The following IFFO2 variants were observed in gnomAD, a reference collection of about 807,000 sequenced individuals.
IFFO2 encodes the protein intermediate filament family orphan 2.
In IFFO2, 19 loss-of-function variants were observed where a neutral mutation model predicts 53.5. The observed-to-expected ratio is 0.36, with a 90% CI of 0.25 to 0.52. The LOEUF (loss-of-function observed/expected upper bound fraction) is 0.52, where lower values mean the gene tolerates loss of function less well. Ranked by LOEUF, IFFO2 falls within the 20% of genes least tolerant of loss-of-function variation. IFFO2 has a pLI of 0.94. For synonymous variants in IFFO2, 303 were observed against 313.6 expected (o/e 0.97, Z 0.36); for missense variants, 570 against 727.4 (o/e 0.78, Z 2.49).
chr1:18,922,180 C>T (rs539849502), intron 1 of IFFO2, among the ~76,000 whole-genome samples: 63 of 152,262 alleles, frequency 4.1e-4, no homozygotes, highest in Middle Eastern at 3.4e-3. Context: ...AATCCCCTTG[C>T]GGAGCTCCTC....
chr1:18,954,085 G>A (rs1418345501), intron 1 of IFFO2, among the ~76,000 whole-genome samples: 1 of 152,224 alleles, frequency 6.6e-6, no homozygotes, highest in Non-Finnish European at 1.5e-5. Flanking sequence ...GCACCAGGCG[G>A]GCCATTCTCA....
At position 18,955,969 on chromosome 1, in the gene IFFO2, C is replaced by G. The variant is rs753573184; in HGVS notation, c.364G>C (p.Gly122Arg). Residue 122 changes from glycine to arginine, a missense_variant, in exon 1 of 9, where the codon GGG (glycine) becomes CGG (arginine). Gly to Arg is a moderately radical substitution (Grantham distance 125). Coordinates refer to ENST00000455833, the MANE Select transcript of IFFO2 (RefSeq NM_001136265.2). ...ELLRPPAPGG[G>R]HGLSSGAAAG... ...GCCGCGCCACTGCTGAGGCCGTGCC[C>G]GCCGCCGGGCGCCGGGGGCCGCAGC... 284 of 1,318,528 alleles carry G rather than the reference C, an allele frequency of 2.2e-4. No homozygotes were observed. Among genetic ancestry groups the G allele is most frequent in the Non-Finnish European group, 2.7e-4 (279 of 1,027,628 alleles). 81.7% of individuals were successfully genotyped at this position (1,318,528 alleles called of 1,614,324 possible).
intron 1 of IFFO2, among the ~76,000 whole-genome samples, chr1:18,941,040 C>G (rs1355896994): frequency 1.3e-5 from 2 of 152,196 alleles, no homozygotes; most frequent in Non-Finnish European, 2.9e-5. Context: ...AGGTCACATG[C>G]CCACTCTGCC....
intron 5 of IFFO2, among the ~76,000 whole-genome samples, chr1:18,912,561 T>C (rs983118449): frequency 1.3e-5 from 2 of 152,120 alleles, no homozygotes; most frequent in Non-Finnish European, 1.5e-5. Flanking sequence ...GTAGCAGAAA[T>C]AGGCTAGAAT....
At chr1:18,948,874 G>A (rs565786244) in intron 1 of IFFO2, among the ~76,000 whole-genome samples, 5 of 152,290 alleles carry the variant, frequency 3.3e-5, no homozygotes, top group African/African-American at 1.2e-4. Context: ...CTGTTTACAC[G>A]CCCTGTGCTG....
intron 1 of IFFO2, among the ~76,000 whole-genome samples, chr1:18,931,527 C>T (rs1358295133): frequency 1.3e-5 from 2 of 152,172 alleles, no homozygotes; most frequent in African/African-American, 4.8e-5. Flanking sequence ...GTCCTGAACC[C>T]ACTCCTTCAG....
chr1:18,949,504 G>C (rs1361382235), intron 1 of IFFO2, among the ~76,000 whole-genome samples: 1 of 152,248 alleles, frequency 6.6e-6, no homozygotes, highest in Non-Finnish European at 1.5e-5. Context: ...TCAGCCATCC[G>C]CGACATAGGA....
rs1267201128 is a variant in IFFO2, at chr1:18,930,734, T to C, written c.666-9613A>G. On this transcript the variant is annotated intron_variant, in intron 1 of 8. Transcript: ENST00000455833. ...CAGCTGCTGGCTCTTTTGGGCAACA[T>C]GGGGCCCAGGGAACCCCCGGGTCAC... 2.6e-5 allele frequency among the ~76,000 whole-genome samples: 4 copies of C among 152,194 alleles called. No individual in the cohort carries two copies. In the East Asian group the frequency reaches 5.8e-4, roughly 22 times the overall value.
Position 18,956,334 on chromosome 1 carries a change from C to T in IFFO2, c.-2G>A. 2 of 320,728 alleles carry T rather than the reference C, an allele frequency of 6.2e-6. No individual in the cohort carries two copies. Among genetic ancestry groups the T allele is most frequent in the Non-Finnish European group, 9.8e-6 (2 of 204,908 alleles). The allele number at this position is 320,728 out of a possible 1,614,324, so 19.9% of individuals were successfully genotyped here. A position where few individuals can be genotyped will look rare whatever the true frequency, so the allele number is the denominator to read the frequency against. The stretch of plus-strand genomic sequence containing the variant: ...CCCGAACAGCAGCGAGTTCACCATG[C>T]GCCGGCTGCGCGGCTCAGGGCCCCG... On this transcript the variant is annotated 5_prime_UTR_variant, in exon 1 of 9. Coordinates refer to ENST00000455833, the MANE Select transcript of IFFO2 (RefSeq NM_001136265.2). This position sits in a 1 kb window ranked among gnomAD's most constrained non-coding sequence, Gnocchi z 6.4.
chr1:18,918,598 G>T lies in IFFO2; in HGVS notation c.823-96C>A. On this transcript the variant is annotated intron_variant, in intron 3 of 8. Coordinates refer to ENST00000455833, the MANE Select transcript of IFFO2 (RefSeq NM_001136265.2). This position sits in a 1 kb window ranked among gnomAD's most constrained non-coding sequence, Gnocchi z 5.2. ...GGGAGACCCCTAGGTGTCAGCAGGG[G>T]TGGTGCGGGGAGGCCTCCAGAGTCC... The T allele has an allele frequency of 2.2e-6, 3 of 1,349,764 alleles. No homozygotes were observed. The highest frequency in any genetic ancestry group is 2.7e-5 in the South Asian group (2 of 75,106). The allele number at this position is 1,349,764 out of a possible 1,614,324, so 83.6% of individuals were successfully genotyped here.
intron 1 of IFFO2, among the ~76,000 whole-genome samples, chr1:18,937,178 G>T (rs76161255): frequency 1.5e-3 from 228 of 152,268 alleles, no homozygotes; most frequent in African/African-American, 5.0e-3. Context: ...GGAGGGAGGA[G>T]GGAAGAGTGA....
intron 1 of IFFO2, among the ~76,000 whole-genome samples, chr1:18,954,603 C>T (rs987972729): frequency 1.3e-5 from 2 of 152,240 alleles, no homozygotes; most frequent in African/African-American, 4.8e-5. Flanking sequence ...GCCAGAGGGC[C>T]CCTTCCCCAG....
At chr1:18,915,021 C>T (rs969581528) in intron 5 of IFFO2, among the ~76,000 whole-genome samples, 4 of 152,098 alleles carry the variant, frequency 2.6e-5, no homozygotes, top group African/African-American at 9.7e-5. Flanking sequence ...GAGTTCCTGT[C>T]CCCACCCAGT....
Position 18,928,808 on chromosome 1 carries a change from C to G in IFFO2, c.666-7687G>C, listed in dbSNP as rs1350607981. Among the ~76,000 whole-genome samples, 1 of 152,172 alleles carries G rather than the reference C, an allele frequency of 6.6e-6. No individual in the cohort carries two copies. Among genetic ancestry groups the G allele is most frequent in the Non-Finnish European group, 1.5e-5 (1 of 68,016 alleles). On this transcript the variant is annotated intron_variant, in intron 1 of 8. Coordinates refer to ENST00000455833, the MANE Select transcript of IFFO2 (RefSeq NM_001136265.2). The surrounding 1 kb of genome is among the most constrained non-coding windows in gnomAD (Gnocchi z 4.9). ...TCTATAATAGGATCTCCCAAAATCC[C>G]TCGGGACATGACATTTGCAGTGTTA...
chr1:18,934,741 G>A (rs1026813426), intron 1 of IFFO2, among the ~76,000 whole-genome samples: 12 of 152,154 alleles, frequency 7.9e-5, no homozygotes, highest in South Asian at 2.1e-4. Context: ...GGTTTTTAAC[G>A]ACAACGGGAT....
At position 18,919,273 on chromosome 1, in the gene IFFO2, G is replaced by C. The variant is rs1304229978; in HGVS notation, c.822+405C>G. 6.6e-6 allele frequency among the ~76,000 whole-genome samples: 1 copy of C among 152,164 alleles called. No homozygotes were observed. The highest frequency in any genetic ancestry group is 6.5e-5 in the Admixed American group (1 of 15,284). ...TGGAGCAACCCTGCCAAAGGCCGCTGGGCCTGCGAGTCTCTCAGGCCCGCA... is the reference window on the plus strand; with the variant it reads ...TGGAGCAACCCTGCCAAAGGCCGCTCGGCCTGCGAGTCTCTCAGGCCCGCA... On this transcript the variant is annotated intron_variant, in intron 3 of 8. Transcript: ENST00000455833. This position sits in a 1 kb window ranked among gnomAD's most constrained non-coding sequence, Gnocchi z 4.9.
At chr1:18,930,606 AC>A (rs1285918271) in intron 1 of IFFO2, among the ~76,000 whole-genome samples, 1 of 152,220 alleles carries the variant, frequency 6.6e-6, no homozygotes, top group African/African-American at 2.4e-5. Context: ...GTCTGTCCTA[AC>A]AAGGGCCACT....
Position 18,928,547 on chromosome 1 carries a change from C to A in IFFO2, c.666-7426G>T, listed in dbSNP as rs960658150. On this transcript the variant is annotated intron_variant, in intron 1 of 8. Coordinates refer to ENST00000455833, the MANE Select transcript of IFFO2 (RefSeq NM_001136265.2). The surrounding 1 kb of genome is among the most constrained non-coding windows in gnomAD (Gnocchi z 4.9). ...GAACACTGCCACCCACACAGACACACAGAGCTGCTTTCAACCAGAAACGGC... is the reference window on the plus strand; with the variant it reads ...GAACACTGCCACCCACACAGACACAAAGAGCTGCTTTCAACCAGAAACGGC... Among the ~76,000 whole-genome samples, 1 of 152,192 alleles carries A rather than the reference C, an allele frequency of 6.6e-6. No homozygotes were observed. Among genetic ancestry groups the A allele is most frequent in the South Asian group, 2.1e-4 (1 of 4,826 alleles).
intron 1 of IFFO2, among the ~76,000 whole-genome samples, chr1:18,931,815 G>T (rs963985406): frequency 6.6e-5 from 10 of 152,110 alleles, no homozygotes; most frequent in African/African-American, 1.9e-4. Context: ...TGTCTCGTCG[G>T]CTCCATAAGC....
Sources: allele counts gnomAD v4.1 joint callset (sites outside exome capture counted in the v4.1 genomes callset), GRCh38; gene constraint gnomAD v4.1.1; non-coding constraint Gnocchi (gnomAD v3.1); transcripts MANE v1.5; gene names NCBI Gene and HGNC (gene_info 2026-07-23, HGNC 2026-07-21).